The following ADGRL3 variants were observed in gnomAD, a reference collection of about 807,000 sequenced individuals.
ADGRL3 encodes adhesion G protein-coupled receptor L3, also known as calcium-independent alpha-latrotoxin receptor 3.
Under a neutral mutation model 153.5 loss-of-function variants are expected in ADGRL3, and 62 were observed. That is an observed-to-expected ratio of 0.40 (90% CI 0.33 to 0.50). ADGRL3 has a LOEUF of 0.50. Among genes scored for constraint, ADGRL3 ranks in the 20% least tolerant of loss-of-function variants. ADGRL3 has a pLI of 0.47. For missense variants in ADGRL3, 1,641 were observed against 1,859.4 expected, an observed-to-expected ratio of 0.88 and a Z score of 2.16; for synonymous variants, 710 against 672.5, an observed-to-expected ratio of 1.06 and a Z score of -0.86.
At chr4:61,335,969 A>C (rs1026134351) in intron 1 of ADGRL3, among the ~76,000 whole-genome samples, 2 of 152,168 alleles carry the variant, frequency 1.3e-5, no homozygotes, top group East Asian at 3.9e-4. Context: ...TAATTTTCAA[A>C]ATTCATTTCA....
intron 5 of ADGRL3, among the ~76,000 whole-genome samples, chr4:61,664,638 T>A (rs1444393496): frequency 1.3e-5 from 2 of 152,224 alleles, no homozygotes; most frequent in Admixed American, 1.3e-4. Context: ...TTCATTTTAA[T>A]GTATTTAATC....
At chr4:61,438,770 C>G (rs1258996276) in intron 2 of ADGRL3, among the ~76,000 whole-genome samples, 3 of 147,752 alleles carry the variant, frequency 2.0e-5, no homozygotes, top group Non-Finnish European at 4.4e-5. Flanking sequence ...TGCAGTGGTG[C>G]GATCTCGGCT....
intron 1 of ADGRL3, among the ~76,000 whole-genome samples, chr4:61,369,541 T>C (rs1442784514): frequency 2.0e-5 from 3 of 152,160 alleles, no homozygotes; most frequent in Non-Finnish European, 4.4e-5. Flanking sequence ...TTTATTGATT[T>C]GCGTATATTG....
chr4:61,529,307 G>T (rs1019600042), intron 4 of ADGRL3, among the ~76,000 whole-genome samples: 4 of 152,068 alleles, frequency 2.6e-5, no homozygotes, highest in Admixed American at 2.6e-4. Context: ...TTTAGCTAAT[G>T]CCTTTTGTTT....
chr4:61,375,762 T>A (rs1322513470), intron 1 of ADGRL3, among the ~76,000 whole-genome samples: 1 of 152,170 alleles, frequency 6.6e-6, no homozygotes, highest in Non-Finnish European at 1.5e-5. Context: ...GGGGTCTATA[T>A]GTTCTCTTTG....
At chr4:62,011,021 C>A (rs767919626) in intron 21 of ADGRL3, among the ~76,000 whole-genome samples, 2 of 151,894 alleles carry the variant, frequency 1.3e-5, no homozygotes, top group Non-Finnish European at 2.9e-5. Context: ...CAAAAATATC[C>A]TAAAATGACT....
At chr4:61,592,017 C>T (rs2098971441) in intron 5 of ADGRL3, among the ~76,000 whole-genome samples, 2 of 143,684 alleles carry the variant, frequency 1.4e-5, no homozygotes, top group South Asian at 2.2e-4. Context: ...GTTAAGGCTG[C>T]AGTGAGCTGT....
chr4:61,607,727 C>T (rs571010512), intron 5 of ADGRL3, among the ~76,000 whole-genome samples: 2 of 152,346 alleles, frequency 1.3e-5, no homozygotes, highest in South Asian at 2.1e-4. Context: ...ACTATGCCTA[C>T]ATTTTTGCAG....
intron 7 of ADGRL3, among the ~76,000 whole-genome samples, chr4:61,731,171 T>G (rs932100721): frequency 2.0e-5 from 3 of 152,002 alleles, no homozygotes; most frequent in Non-Finnish European, 2.9e-5. Context: ...GGATTGTATA[T>G]TGATGATGGC....
intron 9 of ADGRL3, among the ~76,000 whole-genome samples, chr4:61,838,440 A>G (rs191187947): frequency 3.8e-4 from 58 of 152,166 alleles, no homozygotes; most frequent in African/African-American, 1.2e-3. Flanking sequence ...CTTATTTAGG[A>G]TTCTGTTTAA....
intron 17 of ADGRL3, among the ~76,000 whole-genome samples, chr4:61,970,777 A>G (rs1193889769): frequency 6.6e-6 from 1 of 152,176 alleles, no homozygotes; most frequent in East Asian, 1.9e-4. Flanking sequence ...TGTCCTTCTT[A>G]CTGGGTTACC....
intron 5 of ADGRL3, among the ~76,000 whole-genome samples, chr4:61,623,962 A>G (rs754074576): frequency 1.3e-5 from 2 of 152,108 alleles, no homozygotes; most frequent in Admixed American, 6.5e-5. Flanking sequence ...GCCAAAAACC[A>G]GCCTTAAAGA....
chr4:61,320,859 C>T (rs1482063859), intron 1 of ADGRL3, among the ~76,000 whole-genome samples: 2 of 152,126 alleles, frequency 1.3e-5, no homozygotes, highest in Non-Finnish European at 2.9e-5. Context: ...TTCTCACTGG[C>T]TTAAAACCAA....
At chr4:61,998,313 C>G in intron 21 of ADGRL3, 48 bp downstream of exon 21, 1 of 930,984 alleles carries the variant, frequency 1.1e-6, no homozygotes, top group Admixed American at 2.5e-5. Flanking sequence ...TACATTTATA[C>G]TCCAAACTAT....
chr4:61,296,246 A>T (rs2150254068), intron 1 of ADGRL3, among the ~76,000 whole-genome samples: 1 of 152,268 alleles, frequency 6.6e-6, no homozygotes, highest in East Asian at 1.9e-4. Flanking sequence ...CTTGTGTCGG[A>T]GTGCAGCGAT....
chr4:61,215,646 G>C (rs562413129), intron 1 of ADGRL3, among the ~76,000 whole-genome samples: 11 of 143,964 alleles, frequency 7.6e-5, no homozygotes, highest in Non-Finnish European at 1.5e-4. Context: ...CCGCCTCCCG[G>C]GTTCACGCCA....
At chr4:61,644,211 T>C (rs1339385823) in intron 5 of ADGRL3, among the ~76,000 whole-genome samples, 4 of 148,674 alleles carry the variant, frequency 2.7e-5, no homozygotes, top group South Asian at 2.2e-4. Context: ...TAGCGGTCTA[T>C]CAATTTTGTT....
At chr4:61,479,985 A>C (rs1315322311) in intron 2 of ADGRL3, among the ~76,000 whole-genome samples, 1 of 152,110 alleles carries the variant, frequency 6.6e-6, no homozygotes, top group Non-Finnish European at 1.5e-5. Flanking sequence ...GCTAGTTAAC[A>C]TGTTCATCTC....
chr4:61,868,003 G>A (rs750979918), intron 9 of ADGRL3, among the ~76,000 whole-genome samples: 1 of 151,986 alleles, frequency 6.6e-6, no homozygotes, highest in Non-Finnish European at 1.5e-5. Context: ...TTTGCTTGAA[G>A]CTTTATAATA....
Sources: allele counts gnomAD v4.1 joint callset (sites outside exome capture counted in the v4.1 genomes callset), GRCh38; gene constraint gnomAD v4.1.1; transcripts MANE v1.5; gene names NCBI Gene and HGNC (gene_info 2026-07-23, HGNC 2026-07-21).